GRID2: variants seen among roughly 807,000 people sequenced by gnomAD.
GRID2 encodes the protein glutamate ionotropic receptor delta type subunit 2.
A neutral mutation model predicts 114.8 loss-of-function variants in GRID2; 33 were observed. The observed-to-expected ratio is 0.29, with a 90% confidence interval of 0.22 to 0.38. The LOEUF (loss-of-function observed/expected upper bound fraction) is 0.38. Among genes scored for constraint, GRID2 ranks in the 10% least tolerant of loss-of-function variants. The pLI, the probability that GRID2 is intolerant of heterozygous loss-of-function variation, is 1.00. For synonymous variants in GRID2, 505 were observed against 449.9 expected, an observed-to-expected ratio of 1.12 and a Z score of -1.55; for missense variants, 1,184 against 1,257.7, an observed-to-expected ratio of 0.94 and a Z score of 0.89.
chr4:92,951,018 G>T (rs945625893), intron 2 of GRID2, among the ~76,000 whole-genome samples: 1 of 151,896 alleles, frequency 6.6e-6, no homozygotes, highest in South Asian at 2.1e-4. Context: ...ATATTGCTTT[G>T]TTCTTCTAAA....
At chr4:92,480,618 C>T (rs945077177) in intron 1 of GRID2, among the ~76,000 whole-genome samples, 4 of 152,102 alleles carry the variant, frequency 2.6e-5, no homozygotes, top group African/African-American at 4.8e-5. Flanking sequence ...CCCTGCAGGG[C>T]TCTGGGGAGA....
At chr4:93,601,282 G>T (rs1352390161) in intron 13 of GRID2, among the ~76,000 whole-genome samples, 4 of 152,114 alleles carry the variant, frequency 2.6e-5, no homozygotes, top group Non-Finnish European at 5.9e-5. Context: ...GATAAGAACT[G>T]AAAATAGAGT....
chr4:93,329,047 A>T (rs1350496515), intron 8 of GRID2, among the ~76,000 whole-genome samples: 1 of 152,178 alleles, frequency 6.6e-6, no homozygotes, highest in Non-Finnish European at 1.5e-5. Context: ...TAATAAATGA[A>T]TTAAAAATTG....
chr4:92,643,069 T>C (rs1156806253), intron 2 of GRID2, among the ~76,000 whole-genome samples: 1 of 151,848 alleles, frequency 6.6e-6, no homozygotes, highest in Non-Finnish European at 1.5e-5. Context: ...GGGATTGTTT[T>C]GGTTATTTGT....
chr4:92,892,689 T>C (rs1417690027), intron 2 of GRID2, among the ~76,000 whole-genome samples: 1 of 152,146 alleles, frequency 6.6e-6, no homozygotes, highest in Non-Finnish European at 1.5e-5. Flanking sequence ...AAGAAAAATA[T>C]AAACATAATT....
intron 2 of GRID2, among the ~76,000 whole-genome samples, chr4:92,754,916 G>T (rs1737634846): frequency 6.6e-6 from 1 of 152,132 alleles, no homozygotes; most frequent in African/African-American, 2.4e-5. Context: ...CCAAATAACA[G>T]ATTTAATATT....
At chr4:93,680,982 G>A (rs1172089428) in intron 14 of GRID2, among the ~76,000 whole-genome samples, 3 of 151,360 alleles carry the variant, frequency 2.0e-5, no homozygotes, top group Admixed American at 2.0e-4. Flanking sequence ...AAAAGAGGAA[G>A]TCCAATTGTC....
chr4:93,376,059 CTG>C (rs1423248151), intron 8 of GRID2, among the ~76,000 whole-genome samples: 2 of 152,140 alleles, frequency 1.3e-5, no homozygotes, highest in African/African-American at 4.8e-5. Context: ...TCTCCTCTTC[CTG>C]TAACTACAAC....
intron 8 of GRID2, among the ~76,000 whole-genome samples, chr4:93,264,759 TATATATATATATATAA>T (rs1750628793): frequency 1.4e-4 from 2 of 14,194 alleles, no homozygotes; most frequent in Admixed American, 1.3e-3. Context: ...ATTTGAATGA[TATATATATATATATAA>T]ATATATATAA....
At chr4:93,245,071 T>C (rs1748049270) in intron 8 of GRID2, among the ~76,000 whole-genome samples, 1 of 152,098 alleles carries the variant, frequency 6.6e-6, no homozygotes, top group Admixed American at 6.6e-5. Context: ...TAATTATACA[T>C]ATAACTCTTC....
chr4:93,191,983 T>C (rs1741028045), intron 4 of GRID2, among the ~76,000 whole-genome samples: 1 of 152,206 alleles, frequency 6.6e-6, no homozygotes, highest in Admixed American at 6.5e-5. Flanking sequence ...ACCTTCACAA[T>C]ATCTCTTTCT....
At chr4:92,585,142 T>C (rs1728368493) in intron 1 of GRID2, among the ~76,000 whole-genome samples, 1 of 151,730 alleles carries the variant, frequency 6.6e-6, no homozygotes, top group African/African-American at 2.4e-5. Flanking sequence ...ATTGGTTTGA[T>C]GAATAGATGG....
At chr4:93,750,639 T>C (rs7682052) in intron 14 of GRID2, among the ~76,000 whole-genome samples, 134,164 of 152,026 alleles carry the variant, frequency 0.88, 59,211 homozygotes, top group East Asian at 0.98. Flanking sequence ...CCCTGTAGTC[T>C]CAGCTACTCG....
intron 8 of GRID2, among the ~76,000 whole-genome samples, chr4:93,304,396 C>T (rs373537696): frequency 6.6e-6 from 1 of 151,756 alleles, no homozygotes; most frequent in East Asian, 1.9e-4. Context: ...GACAAGACAA[C>T]ACCACAAATA....
chr4:93,637,977 T>C (rs890381825), intron 14 of GRID2, among the ~76,000 whole-genome samples: 5 of 152,122 alleles, frequency 3.3e-5, no homozygotes, highest in African/African-American at 7.2e-5. Flanking sequence ...CTGATACTTC[T>C]AGACATGAAT....
chr4:93,674,061 G>A (rs142180619), intron 14 of GRID2, among the ~76,000 whole-genome samples: 25 of 151,756 alleles, frequency 1.6e-4, no homozygotes, highest in African/African-American at 4.4e-4. Flanking sequence ...CATATATGGC[G>A]TCTTCTGTTT....
chr4:92,599,013 A>G (rs1729076695), intron 2 of GRID2, among the ~76,000 whole-genome samples: 2 of 149,268 alleles, frequency 1.3e-5, no homozygotes, highest in African/African-American at 5.0e-5. Context: ...AAATATATAT[A>G]ATGAAATGCT....
At chr4:92,366,593 G>A (rs1319374) in intron 1 of GRID2, among the ~76,000 whole-genome samples, 100,342 of 151,666 alleles carry the variant, frequency 0.66, 33,607 homozygotes, top group East Asian at 0.94. Context: ...AAATGTTTTG[G>A]CATTATTATT....
At chr4:93,424,210 T>C (rs1424484782) in intron 10 of GRID2, among the ~76,000 whole-genome samples, 1 of 151,488 alleles carries the variant, frequency 6.6e-6, no homozygotes, top group Non-Finnish European at 1.5e-5. Flanking sequence ...CTTTTAAAGG[T>C]ACAGAAAGAA....
Sources: allele counts gnomAD v4.1 joint callset (sites outside exome capture counted in the v4.1 genomes callset), GRCh38; gene constraint gnomAD v4.1.1; transcripts MANE v1.5; gene names NCBI Gene and HGNC (gene_info 2026-07-23, HGNC 2026-07-21).